Variants in PPP2R5A observed in about 807,000 individuals in gnomAD.
PPP2R5A encodes protein phosphatase 2 regulatory subunit B'alpha.
PPP2R5A carries 25 observed loss-of-function variants against 64.2 expected under a neutral mutation model. The ratio of observed to expected loss-of-function variants is 0.39; its 90% CI spans 0.28 to 0.54. The LOEUF is 0.54. Ranked by LOEUF, PPP2R5A falls within the 20% of genes least tolerant of loss-of-function variation. The probability of loss-of-function intolerance (pLI) is 0.67; values close to 1 mark genes in which losing one functional copy is unlikely to be tolerated. For synonymous variants in PPP2R5A, 198 were observed against 201.2 expected, an observed-to-expected ratio of 0.98 and a Z score of 0.13; for missense variants, 425 against 576.3, an observed-to-expected ratio of 0.74 and a Z score of 2.69.
chr1:212,320,211 A>G (rs921853541), intron 1 of PPP2R5A, among the ~76,000 whole-genome samples: 3 of 152,082 alleles, frequency 2.0e-5, no homozygotes, highest in Admixed American at 1.3e-4. Context: ...CCCTTAATCC[A>G]TTCAACCCTG....
intron 2 of PPP2R5A, 27 bp from the exon 3 acceptor site, chr1:212,333,470 G>T (rs200339325): frequency 1.4e-6 from 2 of 1,389,298 alleles, no homozygotes; most frequent in Admixed American, 2.4e-5. Flanking sequence ...ATACAACAAC[G>T]AACGTAAAAT....
intron 5 of PPP2R5A, among the ~76,000 whole-genome samples, chr1:212,347,079 T>A (rs1263055659): frequency 2.0e-5 from 3 of 152,188 alleles, no homozygotes; most frequent in Non-Finnish European, 4.4e-5. Flanking sequence ...TATTAATTAT[T>A]AAGTTGAATA....
chr1:212,354,687 C>T (rs1659946894), intron 8 of PPP2R5A, among the ~76,000 whole-genome samples: 1 of 149,820 alleles, frequency 6.7e-6, no homozygotes. Context: ...CCAGCCTAGG[C>T]AACAGAGTGA....
intron 1 of PPP2R5A, among the ~76,000 whole-genome samples, chr1:212,290,916 A>C (rs1266286112): frequency 6.6e-6 from 1 of 152,246 alleles, no homozygotes; most frequent in Non-Finnish European, 1.5e-5. Flanking sequence ...AAGATGAATT[A>C]GTCTTTAAGG....
intron 1 of PPP2R5A, among the ~76,000 whole-genome samples, chr1:212,299,877 A>G (rs1658768564): frequency 6.7e-6 from 1 of 149,400 alleles, no homozygotes; most frequent in Non-Finnish European, 1.5e-5. Flanking sequence ...CAGTGGTATG[A>G]TCTCTGCTCA....
intron 1 of PPP2R5A, among the ~76,000 whole-genome samples, chr1:212,320,864 C>T (rs1213421294): frequency 7.1e-6 from 1 of 140,532 alleles, no homozygotes; most frequent in Admixed American, 6.9e-5. Context: ...CAGAGGGGCT[C>T]CTCACTTCCC....
intron 1 of PPP2R5A, among the ~76,000 whole-genome samples, chr1:212,307,229 A>T (rs908651020): frequency 6.6e-6 from 1 of 150,458 alleles, no homozygotes; most frequent in Non-Finnish European, 1.5e-5. Context: ...AAACTTGTGT[A>T]ATGATTATTT....
chr1:212,329,464 C>G, intron 2 of PPP2R5A, 133 bp downstream of exon 2: 1 of 743,730 alleles, frequency 1.3e-6, no homozygotes, highest in Non-Finnish European at 2.1e-6. Flanking sequence ...TAGTTCATAC[C>G]CCATCCATTC....
At chr1:212,289,984 C>G (rs1658571595) in intron 1 of PPP2R5A, among the ~76,000 whole-genome samples, 1 of 152,122 alleles carries the variant, frequency 6.6e-6, no homozygotes, top group South Asian at 2.1e-4. Flanking sequence ...AAGAAATCAA[C>G]CTAACCAGTA....
chr1:212,309,279 C>T (rs1490672211), intron 1 of PPP2R5A: 16 of 1,514,626 alleles, frequency 1.1e-5, no homozygotes, highest in Middle Eastern at 1.8e-4. Flanking sequence ...CAGTGGTCAG[C>T]GGAAACTTGA....
intron 1 of PPP2R5A, among the ~76,000 whole-genome samples, chr1:212,311,311 A>G (rs1659026250): frequency 1.3e-5 from 2 of 152,132 alleles, no homozygotes; most frequent in South Asian, 2.1e-4. Flanking sequence ...TACTAAAAAT[A>G]CGAAAAATTA....
At chr1:212,307,753 A>G (rs558062422) in intron 1 of PPP2R5A, among the ~76,000 whole-genome samples, 5 of 152,308 alleles carry the variant, frequency 3.3e-5, no homozygotes, top group African/African-American at 9.6e-5. Flanking sequence ...CCTGAAGGAA[A>G]TCCTTTAGTG....
intron 1 of PPP2R5A, among the ~76,000 whole-genome samples, chr1:212,295,177 T>C (rs1428299598): frequency 6.6e-6 from 1 of 151,916 alleles, no homozygotes; most frequent in East Asian, 1.9e-4. Context: ...GAAATCAGAG[T>C]GAGTAACACT....
At chr1:212,317,660 T>C (rs1433137232) in intron 1 of PPP2R5A, among the ~76,000 whole-genome samples, 2 of 152,176 alleles carry the variant, frequency 1.3e-5, no homozygotes, top group African/African-American at 4.8e-5. Context: ...ACCTACACTT[T>C]GAAAAACAGT....
intron 3 of PPP2R5A, among the ~76,000 whole-genome samples, chr1:212,336,639 C>T (rs922625984): frequency 6.6e-6 from 1 of 152,074 alleles, no homozygotes; most frequent in African/African-American, 2.4e-5. Flanking sequence ...ACTAAAGTGA[C>T]CTGATTTATA....
intron 1 of PPP2R5A, among the ~76,000 whole-genome samples, chr1:212,320,329 T>G (rs1659247088): frequency 3.3e-5 from 5 of 151,904 alleles, no homozygotes; most frequent in Admixed American, 3.3e-4. Flanking sequence ...AAATCAAAAG[T>G]CTCCCATGTC....
intron 8 of PPP2R5A, among the ~76,000 whole-genome samples, chr1:212,350,956 G>C (rs945425069): frequency 7.2e-6 from 1 of 138,816 alleles, no homozygotes; most frequent in Non-Finnish European, 1.5e-5. Context: ...TGATCAACAT[G>C]GTGAAACCCC....
rs1192100562 is a variant in PPP2R5A at position 212,360,858 on chromosome 1, A to G, written c.*88A>G. ...AAATTACAAAACAAACCTCATCAGT[A>G]TAATATAATTAAAAGGCCAATTTTT... On this transcript the variant is annotated 3_prime_UTR_variant, in exon 13 of 13. Coordinates refer to ENST00000261461, the MANE Select transcript of PPP2R5A (RefSeq NM_006243.4). The G allele has an allele frequency of 7.7e-7, 1 of 1,298,450 alleles. No individual in the cohort carries two copies. Among genetic ancestry groups the G allele is most frequent in the East Asian group, 2.7e-5 (1 of 37,452 alleles). 80.4% of individuals were successfully genotyped at this position (1,298,450 alleles called of 1,614,324 possible).
At position 212,358,689 on chromosome 1, in the gene PPP2R5A, C is replaced by T. The variant is rs768348899; in HGVS notation, c.1230C>T (p.Thr410=). Residue 410 remains threonine, a synonymous_variant, in exon 12 of 13, where the codon ACC becomes ACT. Transcript: ENST00000261461. The part of the protein sequence containing the change: ...YKISKEHWNP[T]IVALVYNVLK... ...GACTGGCTCATTTTCATTTCAGGACCATTGTAGCACTGGTATACAATGTGC... is the reference window on the plus strand; with the variant it reads ...GACTGGCTCATTTTCATTTCAGGACTATTGTAGCACTGGTATACAATGTGC... The T allele has an allele frequency of 1.2e-6, 2 of 1,609,324 alleles. No homozygotes were observed. The highest frequency in any genetic ancestry group is 8.5e-7 in the Non-Finnish European group (1 of 1,177,100).
Sources: gnomAD v4.1 joint callset for allele counts (sites outside exome capture counted in the v4.1 genomes callset) on GRCh38, gnomAD v4.1.1 for gene constraint, MANE v1.5 for transcripts, NCBI Gene and HGNC (gene_info 2026-07-23, HGNC 2026-07-21) for gene names.